The following SCN4A variants were observed in gnomAD, a reference collection of about 807,000 sequenced individuals.
The protein encoded by SCN4A is sodium channel protein type 4 subunit alpha.
A neutral mutation model predicts 162.0 loss-of-function variants in SCN4A; 83 were observed. The observed-to-expected ratio is 0.51, with a 90% CI of 0.43 to 0.61. The LOEUF (loss-of-function observed/expected upper bound fraction) is 0.61. SCN4A is among the 20% of genes least tolerant of loss of function. The probability of loss-of-function intolerance (pLI) is 0.00; values close to 1 mark genes in which losing one functional copy is unlikely to be tolerated. For synonymous variants in SCN4A, 944 were observed against 985.1 expected (o/e 0.96, Z 0.78); for missense variants, 2,196 against 2,462.5 (o/e 0.89, Z 2.29).
Position 63,972,032 on chromosome 17 carries a change from CA to C in SCN4A, c.482+103del. ...AAGGTGTGGATGAGGGTCACAATGA[CA>C]GTGTGTCTCCCTGAAAGACAAGAGC... On this transcript the variant is annotated intron_variant, in intron 3 of 23. Transcript: ENST00000435607. This position sits in a 1 kb window ranked among gnomAD's most constrained non-coding sequence, Gnocchi z 4.3. 9.3e-7 allele frequency: 1 copy of C among 1,078,650 alleles called. No individual in the cohort carries two copies. The highest frequency in any genetic ancestry group is 1.4e-6 in the Non-Finnish European group (1 of 719,094). 66.8% of individuals were successfully genotyped at this position (1,078,650 alleles called of 1,614,324 possible). A position where few individuals can be genotyped will look rare whatever the true frequency, so the allele number is the denominator to read the frequency against.
At position 63,941,800 on chromosome 17, in the gene SCN4A, G is replaced by C; in HGVS notation, c.4482C>G (p.Phe1494Leu). 1 of 1,614,206 alleles carries C rather than the reference G, an allele frequency of 6.2e-7. No individual in the cohort carries two copies. The highest frequency in any genetic ancestry group is 1.7e-5 in the Admixed American group (1 of 60,016). ...TGGACATGCCGAAGATGGAGTAGAT[G>C]AACATGACCAGGAAGAGGAGGAGGC... ...NIGLLLFLVM[F>L]IYSIFGMSNF... The change falls in exon 24 of 24, where the codon TTC becomes TTG. Residue 1494 changes from phenylalanine to leucine, a missense_variant. Coordinates refer to ENST00000435607, the MANE Select transcript of SCN4A (RefSeq NM_000334.4). This position sits in a 1 kb window ranked among gnomAD's most constrained non-coding sequence, Gnocchi z 6.2.
At position 63,972,790 on chromosome 17, in the gene SCN4A, G is replaced by T. The variant is rs78592515; in HGVS notation, c.52C>A (p.Arg18Ser). 1,059 of 1,613,516 alleles carry T rather than the reference G, an allele frequency of 6.6e-4. 2 individuals carry two copies. The highest frequency in any genetic ancestry group is 8.1e-4 in the Non-Finnish European group (959 of 1,179,746). The change falls in exon 1 of 24, where the codon CGC (arginine) becomes AGC (serine). Residue 18 changes from arginine (R) to serine (S), a missense_variant. Transcript: ENST00000435607. This position sits in a 1 kb window ranked among gnomAD's most constrained non-coding sequence, Gnocchi z 4.3. Reference sequence around the variant, plus strand: ...GCCAGTGACTCCCGGGTGAAGGGGCGCAAGCACTCAGGGCCCAGAGGCACC... The same window carrying T: ...GCCAGTGACTCCCGGGTGAAGGGGCTCAAGCACTCAGGGCCCAGAGGCACC... ...TLVPLGPECL[R>S]PFTRESLAAI...
intron 7 of SCN4A, 106 bp downstream of exon 7, chr17:63,966,375 C>A: frequency 7.1e-7 from 1 of 1,413,904 alleles, no homozygotes; most frequent in Non-Finnish European, 9.9e-7. Context: ...CATCCATGCC[C>A]ACAGGTTTCC....
chr17:63,945,678 C>T lies in SCN4A; in HGVS notation c.3442-40G>A. ...GTCCATTGCCAGTGCCTCTCCCAGCCTCTGAGAGAGGGCTCCACATCTCTA... is the reference window on the plus strand; with the variant it reads ...GTCCATTGCCAGTGCCTCTCCCAGCTTCTGAGAGAGGGCTCCACATCTCTA... On this transcript the variant is annotated intron_variant, in intron 18 of 23. Transcript: ENST00000435607. This position sits in a 1 kb window ranked among gnomAD's most constrained non-coding sequence, Gnocchi z 4.4. 6.2e-7 allele frequency: 1 copy of T among 1,607,450 alleles called. No homozygotes were observed.
Position 63,951,559 on chromosome 17 carries a change from G to A in SCN4A, c.2718C>T (p.Ser906=), listed in dbSNP as rs1908908813. The A allele has an allele frequency of 1.2e-6, 2 of 1,613,920 alleles. No homozygotes were observed. Among genetic ancestry groups the A allele is most frequent in the Admixed American group, 1.7e-5 (1 of 60,008 alleles). ...TGAAGTTAAGGTGGTCCAGCTCGAG[G>A]CTGGATGGGGGGCCGTCAGCCAGGC... ...HMGLADGPPS[S]LELDHLNFIN... Residue 906 remains serine (S), a synonymous_variant, in exon 14 of 24, where the codon AGC becomes AGT. Coordinates refer to ENST00000435607, the MANE Select transcript of SCN4A (RefSeq NM_000334.4). The surrounding 1 kb of genome is among the most constrained non-coding windows in gnomAD (Gnocchi z 4.5).
At chr17:63,949,372 T>C (rs2144784245) in intron 15 of SCN4A, 21 bp downstream of exon 15, 1 of 1,556,288 alleles carries the variant, frequency 6.4e-7, no homozygotes. Flanking sequence ...GACACCCAGA[T>C]GAGGTGAGGG....
In SCN4A at chr17:63,940,926, T is replaced by A. The variant is rs755181904; in HGVS notation, c.5356A>T (p.Asn1786Tyr). The A allele has an allele frequency of 2.5e-6, 4 of 1,613,850 alleles. No homozygotes were observed. In the African/African-American group the frequency reaches 5.3e-5, roughly 22 times the overall value. ...TCCTCCGGGCTTGGCGAGCTGCTGT[T>A]CCCATTCTCGTGGCCATACATCTTG... ...MSKMYGHENG[N>Y]SSSPSPEEKG... Residue 1786 changes from asparagine (N) to tyrosine (Y), a missense_variant, in exon 24 of 24, where the codon AAC (asparagine) becomes TAC (tyrosine). Physicochemically the swap from Asn to Tyr is moderately radical, Grantham distance 143 (BLOSUM62 -2). Transcript: ENST00000435607.
chr17:63,953,073 A>G (rs1202718457), intron 13 of SCN4A, among the ~76,000 whole-genome samples: 1 of 152,206 alleles, frequency 6.6e-6, no homozygotes, highest in Non-Finnish European at 1.5e-5. Context: ...TAAAGGATCA[A>G]TAAAAGCCCA....
At chr17:63,947,189 A>T in intron 17 of SCN4A, 22 bp from the exon 18 acceptor site, 1 of 1,612,278 alleles carries the variant, frequency 6.2e-7, no homozygotes, top group East Asian at 2.2e-5. Flanking sequence ...GGGTGAGGGG[A>T]TCAGTGCGTG....
Position 63,947,141 on chromosome 17 carries a change from G to T in SCN4A, c.3345C>A (p.Asn1115Lys). Residue 1115 changes from asparagine to lysine, a missense_variant, in exon 18 of 24, where the codon AAC becomes AAA. By Grantham distance (94) the Asn-to-Lys change is moderately conservative. Transcript: ENST00000435607. ...GTCCCAGCTCCGAGTAGCCCAGCCAGTTGGCCACCAAGCTGATGATGGAGA... is the reference window on the plus strand; with the variant it reads ...GTCCCAGCTCCGAGTAGCCCAGCCATTTGGCCACCAAGCTGATGATGGAGA... ...VDVSIISLVA[N>K]WLGYSELGPI... 1 of 1,613,538 alleles carries T rather than the reference G, an allele frequency of 6.2e-7. No homozygotes were observed. Among genetic ancestry groups the T allele is most frequent in the Non-Finnish European group, 8.5e-7 (1 of 1,179,792 alleles).
At position 63,963,818 on chromosome 17, in the gene SCN4A, G is replaced by A. The variant is rs1320718499; in HGVS notation, c.1460C>T (p.Ala487Val). The part of the protein sequence containing the change: ...KHQEELEKAK[A>V]AQALEGGEAD... Reference sequence around the variant, plus strand: ...CTCCCCACCTTCCAGAGCTTGGGCGGCCTTGGCCTGTAGACCAGCAAGAGT... The same window carrying A: ...CTCCCCACCTTCCAGAGCTTGGGCGACCTTGGCCTGTAGACCAGCAAGAGT... The change falls in exon 10 of 24, where the codon GCC becomes GTC. Residue 487 changes from alanine to valine, a missense_variant. Coordinates refer to ENST00000435607, the MANE Select transcript of SCN4A (RefSeq NM_000334.4). The A allele has an allele frequency of 6.3e-7, 1 of 1,599,334 alleles. No homozygotes were observed. The highest frequency in any genetic ancestry group is 8.5e-7 in the Non-Finnish European group (1 of 1,173,260).
intron 5 of SCN4A, among the ~76,000 whole-genome samples, chr17:63,969,367 C>T (rs1031222733): frequency 2.6e-5 from 4 of 152,188 alleles, no homozygotes; most frequent in Admixed American, 1.3e-4. Flanking sequence ...TGGGCCTAAT[C>T]GTAGTGCCTC....
At position 63,941,364 on chromosome 17, in the gene SCN4A, G is replaced by A; in HGVS notation, c.4918C>T (p.Leu1640Phe). The change falls in exon 24 of 24, where the codon CTC becomes TTC. Residue 1640 changes from leucine to phenylalanine, a missense_variant. Transcript: ENST00000435607. This position sits in a 1 kb window ranked among gnomAD's most constrained non-coding sequence, Gnocchi z 6.2. ...DATQFIAYSR[L>F]SDFVDTLQEP... Reference sequence around the variant, plus strand: ...TGCAGGGTGTCCACGAAGTCTGAGAGGCGGCTGTAGGCGATGAACTGGGTG... The same window carrying A: ...TGCAGGGTGTCCACGAAGTCTGAGAAGCGGCTGTAGGCGATGAACTGGGTG... 1 of 1,613,938 alleles carries A rather than the reference G, an allele frequency of 6.2e-7. No homozygotes were observed. Among genetic ancestry groups the A allele is most frequent in the African/African-American group, 1.3e-5 (1 of 75,010 alleles).
chr17:63,938,790 C>T lies in SCN4A; in HGVS notation c.*1981G>A, dbSNP rs1301369706. On this transcript the variant is annotated 3_prime_UTR_variant, in exon 24 of 24. Coordinates refer to ENST00000435607, the MANE Select transcript of SCN4A (RefSeq NM_000334.4). ...CTGAGGCTCCAGGGGCTGTGCCAGC[C>T]CAGGGCCCAGGAGGGCAAGGCAGAG... 1.3e-5 allele frequency: 2 copies of T among 152,784 alleles called. No individual in the cohort carries two copies. The highest frequency in any genetic ancestry group is 2.9e-5 in the Non-Finnish European group (2 of 68,140). The allele number at this position is 152,784 out of a possible 1,614,324, so 9.5% of individuals were successfully genotyped here.
intron 12 of SCN4A, among the ~76,000 whole-genome samples, chr17:63,958,552 T>G (rs1254519037): frequency 6.6e-6 from 1 of 152,078 alleles, no homozygotes; most frequent in Non-Finnish European, 1.5e-5. Flanking sequence ...TGATAAAGTT[T>G]GTTGTTGTTG....
chr17:63,942,239 G>A (rs147010290), intron 23 of SCN4A, among the ~76,000 whole-genome samples: 64 of 150,960 alleles, frequency 4.2e-4, no homozygotes, highest in Non-Finnish European at 7.2e-4. Flanking sequence ...CATTCCCAAG[G>A]CTGTTTGCAA....
chr17:63,963,825 C>T lies in SCN4A; in HGVS notation c.1453G>A (p.Ala485Thr). ...CCTTCCAGAGCTTGGGCGGCCTTGG[C>T]CTGTAGACCAGCAAGAGTGACTGGC... ...FKKHQEELEK[A>T]KAAQALEGGE... The change falls in exon 10 of 24, where the codon GCC becomes ACC. Residue 485 changes from alanine to threonine, a missense_variant and splice_region_variant. By Grantham distance (58) the Ala-to-Thr change is moderately conservative. Transcript: ENST00000435607. The T allele has an allele frequency of 1.3e-6, 2 of 1,597,252 alleles. No individual in the cohort carries two copies. The highest frequency in any genetic ancestry group is 1.7e-6 in the Non-Finnish European group (2 of 1,172,146).
At chr17:63,948,301 A>G (rs1908793908) in intron 16 of SCN4A, among the ~76,000 whole-genome samples, 1 of 152,004 alleles carries the variant, frequency 6.6e-6, no homozygotes, top group Non-Finnish European at 1.5e-5. Flanking sequence ...AATTGCCATC[A>G]TCTGCTGGGC....
intron 5 of SCN4A, 34 bp from the exon 6 acceptor site, chr17:63,968,389 G>A (rs753204949): frequency 1.2e-5 from 18 of 1,545,886 alleles, no homozygotes; most frequent in Non-Finnish European, 1.5e-5. Flanking sequence ...ATTGGCAGGG[G>A]GCAGGGCAGG....
Sources: gnomAD v4.1 joint callset for allele counts (sites outside exome capture counted in the v4.1 genomes callset) on GRCh38, gnomAD v4.1.1 for gene constraint, Gnocchi (gnomAD v3.1) non-coding constraint, MANE v1.5 for transcripts, NCBI Gene and HGNC (gene_info 2026-07-23, HGNC 2026-07-21) for gene names.